Variants in PIEZO1 observed in about 807,000 individuals in gnomAD.
PIEZO1 encodes the protein piezo-type mechanosensitive ion channel component 1.
Under a neutral mutation model 297.2 loss-of-function variants are expected in PIEZO1, and 296 were observed. That is an observed-to-expected ratio of 1.00 (90% CI 0.91 to 1.10). PIEZO1 has a LOEUF of 1.10. Ranked by LOEUF, PIEZO1 falls within the 50% of genes least tolerant of loss-of-function variation. PIEZO1 has a pLI of 0.00. For synonymous variants in PIEZO1, 2,427 were observed against 1,507.5 expected, an observed-to-expected ratio of 1.61 and a Z score of -14.13; for missense variants, 5,018 against 3,455.5, an observed-to-expected ratio of 1.45 and a Z score of -11.34.
chr16:88,751,702 G>C (rs1465129098), intron 1 of PIEZO1, among the ~76,000 whole-genome samples: 1 of 151,348 alleles, frequency 6.6e-6, no homozygotes, highest in Non-Finnish European at 1.5e-5. Context: ...CTAAGATCTG[G>C]CCCAAGAGGC....
chr16:88,769,618 G>A (rs1211683095), intron 1 of PIEZO1, among the ~76,000 whole-genome samples: 14 of 152,230 alleles, frequency 9.2e-5, no homozygotes, highest in Admixed American at 9.2e-4. Flanking sequence ...GAGGGTCAGG[G>A]CCAAGCCTGG....
Position 88,726,337 on chromosome 16 carries a change from A to G in PIEZO1, c.3915T>C (p.His1305=), listed in dbSNP as rs1181986406. The G allele has an allele frequency of 1.9e-6, 3 of 1,550,250 alleles. No individual in the cohort carries two copies. The South Asian group carries it at 3.6e-5, about 18-fold the overall frequency. The change falls in exon 27 of 51, where the codon CAT becomes CAC. Residue 1305 remains histidine (H), a synonymous_variant. Coordinates refer to ENST00000301015, the MANE Select transcript of PIEZO1 (RefSeq NM_001142864.4). ...GGTCGGCCCTGACGTGCAGGTAGTAATGGCTAAGGAAGACGCGGCGCTGCA... is the reference window on the plus strand; with the variant it reads ...GGTCGGCCCTGACGTGCAGGTAGTAGTGGCTAAGGAAGACGCGGCGCTGCA... ...LLLQRRVFLS[H]YYLHVRADLQ...
chr16:88,777,963 C>T (rs1907742032), intron 1 of PIEZO1, among the ~76,000 whole-genome samples: 1 of 152,264 alleles, frequency 6.6e-6, no homozygotes, highest in Non-Finnish European at 1.5e-5. Context: ...CTGCGTCTGT[C>T]CCTCCCGCAT....
Position 88,731,298 on chromosome 16 carries a change from C to G in PIEZO1, c.3196+408G>C, listed in dbSNP as rs960343912. On this transcript the variant is annotated intron_variant, in intron 22 of 50. Transcript: ENST00000301015. ...GTTTGACGATGGCACTGCCAGGAGACGGGACCACGGGTGTGGGGCTGTGGG... is the reference window on the plus strand; with the variant it reads ...GTTTGACGATGGCACTGCCAGGAGAGGGGACCACGGGTGTGGGGCTGTGGG... The G allele has an allele frequency of 1.8e-5, 4 of 220,504 alleles. No individual in the cohort carries two copies. The South Asian group carries it at 2.9e-4, about 16-fold the overall frequency. The allele number at this position is 220,504 out of a possible 1,614,324, so 13.7% of individuals were successfully genotyped here.
chr16:88,715,640 C>G lies in PIEZO1; in HGVS notation c.7531G>C (p.Glu2511Gln), dbSNP rs1291793445. The change falls in exon 51 of 51, where the codon GAG becomes CAG. Residue 2511 changes from glutamate (E) to glutamine (Q), a missense_variant. Transcript: ENST00000301015. ...AKLIFLYRSP[E>Q]TMIKWTREKE ...TCACGAGTCCACTTGATCATGGTCT[C>G]CGGTGAGCGGTAGAGGAAGATGAGC... 6.5e-7 allele frequency: 1 copy of G among 1,550,258 alleles called. No homozygotes were observed. The highest frequency in any genetic ancestry group is 8.7e-7 in the Non-Finnish European group (1 of 1,146,934).
chr16:88,738,648 G>A lies in PIEZO1; in HGVS notation c.554C>T (p.Ala185Val), dbSNP rs747271044. 2.0e-6 allele frequency: 3 copies of A among 1,535,708 alleles called. No individual in the cohort carries two copies. Among genetic ancestry groups the A allele is most frequent in the Non-Finnish European group, 2.6e-6 (3 of 1,146,746 alleles). The change falls in exon 6 of 51, where the codon GCC becomes GTC. Residue 185 changes from alanine to valine, a missense_variant. Physicochemically the swap from Ala to Val is moderately conservative, Grantham distance 64. Coordinates refer to ENST00000301015, the MANE Select transcript of PIEZO1 (RefSeq NM_001142864.4). ...GTGGGCCGTGACTCGGAAACGAGCG[G>A]CCAGCCGTGACCTCCGTGTAGGGGC... Reference protein sequence around the residue: ...TLAPTRRSRLAARFRVTAHWL... With the variant: ...TLAPTRRSRLVARFRVTAHWL...
At chr16:88,720,571 C>A in intron 40 of PIEZO1, 39 bp from the exon 41 acceptor site, 1 of 1,534,934 alleles carries the variant, frequency 6.5e-7, no homozygotes, top group Non-Finnish European at 8.8e-7. Flanking sequence ...CAGTACCCGC[C>A]TCCCCACCCC....
At chr16:88,736,065 C>G in intron 12 of PIEZO1, 83 bp downstream of exon 12, 1 of 1,368,718 alleles carries the variant, frequency 7.3e-7, no homozygotes, top group African/African-American at 1.4e-5. Context: ...GCCACTCCCC[C>G]GGGCAAGTGG....
intron 1 of PIEZO1, among the ~76,000 whole-genome samples, chr16:88,751,148 T>C (rs1906368879): frequency 1.3e-5 from 2 of 152,166 alleles, no homozygotes; most frequent in African/African-American, 4.8e-5. Flanking sequence ...GACACCCACC[T>C]GCCCCTCAGT....
At chr16:88,729,697 A>G (rs371838333) in intron 22 of PIEZO1, among the ~76,000 whole-genome samples, 4,269 of 106,592 alleles carry the variant, frequency 0.04, no homozygotes, top group Non-Finnish European at 0.065. Context: ...AACCCAGGAC[A>G]TGCTGAACCC....
chr16:88,731,959 A>ATGCACTGAGTCTGGGGGGGGGGTGTG (rs1482630762), intron 21 of PIEZO1, 49 bp from the exon 22 acceptor site: 1 of 63,336 alleles, frequency 1.6e-5, no homozygotes, highest in Non-Finnish European at 2.9e-5. Context: ...GTCTGGGGGG[A>ATGCACTGAGTCTGGGGGGGGGGTGTG]GGGACTTTCT....
Position 88,736,103 on chromosome 16 carries a change from G to T in PIEZO1, c.1557+45C>A, listed in dbSNP as rs36100417. The T allele has an allele frequency of 0.13, 192,642 of 1,499,188 alleles. 13,800 individuals carry two copies. Among genetic ancestry groups the T allele is most frequent in the African/African-American group, 0.19 (14,056 of 72,388 alleles). The allele number at this position is 1,499,188 out of a possible 1,614,324, so 92.9% of individuals were successfully genotyped here. On this transcript the variant is annotated intron_variant, in intron 12 of 50. Coordinates refer to ENST00000301015, the MANE Select transcript of PIEZO1 (RefSeq NM_001142864.4). ...ATTGAACAGGACGACAACCCTGATG[G>T]GTCTGCGCACCCAGGCACCCCCGGA...
rs1311539823 is a variant in PIEZO1, at chr16:88,733,764, C to CAGTGCGGGGCACAAACGGGG, written c.2330-39_2330-20dup. 6.6e-7 allele frequency: 1 copy of CAGTGCGGGGCACAAACGGGG among 1,508,752 alleles called. No homozygotes were observed. Among genetic ancestry groups the CAGTGCGGGGCACAAACGGGG allele is most frequent in the Non-Finnish European group, 8.9e-7 (1 of 1,123,680 alleles). The allele number at this position is 1,508,752 out of a possible 1,614,324, so 93.5% of individuals were successfully genotyped here. ...GCTGCCCCTGTGATGGTGTGAGGGT[C>CAGTGCGGGGCACAAACGGGG]AGTGCGGGGCACAAACGGGGATTCC... is the stretch of plus-strand genomic sequence containing the variant. On this transcript the variant is annotated intron_variant, in intron 17 of 50. Transcript: ENST00000301015.
At chr16:88,747,221 A>G (rs1014479095) in intron 2 of PIEZO1, among the ~76,000 whole-genome samples, 2 of 131,656 alleles carry the variant, frequency 1.5e-5, no homozygotes, top group African/African-American at 5.7e-5. Flanking sequence ...ACCAAGCAAG[A>G]CCCCCACTCG....
Position 88,742,313 on chromosome 16 carries a change from G to T in PIEZO1, c.270C>A (p.Leu90=). ...TCAGCGACTCACAGCTGGGTCCCAG[G>T]AGCTGGTCCAGGCGGGGCACAATAT... is the stretch of plus-strand genomic sequence containing the variant. ...CLHIVPRLDQ[L]LGPSCSRWET... is the part of the protein sequence containing the mutation. The change falls in exon 3 of 51, where the codon CTC becomes CTA. Residue 90 remains leucine (L), a synonymous_variant. Transcript: ENST00000301015. The T allele has an allele frequency of 4.6e-6, 7 of 1,533,750 alleles. No homozygotes were observed. The highest frequency in any genetic ancestry group is 6.1e-6 in the Non-Finnish European group (7 of 1,145,728).
At chr16:88,768,050 G>T (rs1260012858) in intron 1 of PIEZO1, among the ~76,000 whole-genome samples, 1 of 152,372 alleles carries the variant, frequency 6.6e-6, no homozygotes, top group South Asian at 2.1e-4. Flanking sequence ...TAAAGCAGAG[G>T]TCTGCAAAGT....
intron 27 of PIEZO1, 161 bp downstream of exon 27, chr16:88,726,123 G>A (rs1213034359): frequency 1.1e-5 from 7 of 625,212 alleles, no homozygotes; most frequent in Non-Finnish European, 1.9e-5. Context: ...ATGGTGCCGG[G>A]GATCTGCCGG....
chr16:88,767,306 C>T (rs1329447807), intron 1 of PIEZO1, among the ~76,000 whole-genome samples: 1 of 152,194 alleles, frequency 6.6e-6, no homozygotes, highest in Non-Finnish European at 1.5e-5. Flanking sequence ...ACCCCTGGGC[C>T]AGGTCCTGCC....
At chr16:88,727,461 C>A in intron 23 of PIEZO1, 96 bp downstream of exon 23, 1 of 644,454 alleles carries the variant, frequency 1.6e-6, no homozygotes, top group South Asian at 2.0e-5. Context: ...ACACCTCCGC[C>A]CGTGCACGCC....
Sources: allele counts gnomAD v4.1 joint callset (sites outside exome capture counted in the v4.1 genomes callset), GRCh38; gene constraint gnomAD v4.1.1; transcripts MANE v1.5; gene names NCBI Gene and HGNC (gene_info 2026-07-23, HGNC 2026-07-21).